LMO7: variants seen among roughly 807,000 people sequenced by gnomAD.
LMO7 encodes the protein LIM domain 7.
In LMO7, 120 loss-of-function variants were observed where a neutral mutation model predicts 206.5. The ratio of observed to expected loss-of-function variants is 0.58; its 90% CI spans 0.50 to 0.68. The LOEUF is 0.68. Ranked by LOEUF, LMO7 falls within the 30% of genes least tolerant of loss-of-function variation. LMO7 has a pLI of 0.00. For synonymous variants in LMO7, 706 were observed against 681.5 expected (o/e 1.04, Z -0.56); for missense variants, 1,959 against 1,957.9 (o/e 1.00, Z -0.01).
chr13:75,680,101 A>G (rs1198303002), intron 1 of LMO7, among the ~76,000 whole-genome samples: 2 of 152,040 alleles, frequency 1.3e-5, no homozygotes, highest in African/African-American at 2.4e-5. Flanking sequence ...CCCTGTGTCC[A>G]TGTGTTCTCA....
At chr13:75,781,289 C>T (rs1326727912) in intron 4 of LMO7, among the ~76,000 whole-genome samples, 65 of 95,038 alleles carry the variant, frequency 6.8e-4, no homozygotes, top group African/African-American at 2.6e-3. Flanking sequence ...CCCCCCACCC[C>T]ACAACAGTCC....
chr13:75,734,471 A>T (rs2045598973), intron 3 of LMO7, among the ~76,000 whole-genome samples: 1 of 152,220 alleles, frequency 6.6e-6, no homozygotes, highest in African/African-American at 2.4e-5. Flanking sequence ...TGCTGTTTAT[A>T]GTGCATTCAG....
rs752648828 is a variant in LMO7 at position 75,853,121 on chromosome 13, C to T, written c.4394C>T (p.Pro1465Leu). 6.2e-6 allele frequency: 10 copies of T among 1,611,542 alleles called. No homozygotes were observed. Among genetic ancestry groups the T allele is most frequent in the African/African-American group, 2.7e-5 (2 of 74,802 alleles). The change falls in exon 28 of 31, where the codon CCC (proline) becomes CTC (leucine). Residue 1465 changes from proline (P) to leucine (L), a missense_variant. By Grantham distance (98) the Pro-to-Leu change is moderately conservative. Coordinates refer to ENST00000377534, the MANE Select transcript of LMO7 (RefSeq NM_001306080.2). Reference sequence around the variant, plus strand: ...GAATCTTTAGATAACCTGGACTCCCCCCGATCCAATTCTTGGAGACAGCCT... The same window carrying T: ...GAATCTTTAGATAACCTGGACTCCCTCCGATCCAATTCTTGGAGACAGCCT... ...RGESLDNLDSPRSNSWRQPPW... is the reference protein window; with the variant it reads ...RGESLDNLDSLRSNSWRQPPW...
chr13:75,795,308 AG>A, intron 4 of LMO7, 92 bp from the exon 5 acceptor site: 1 of 811,952 alleles, frequency 1.2e-6, no homozygotes, highest in South Asian at 1.6e-5. Flanking sequence ...TAATATTCAT[AG>A]AATTTTAGAA....
Position 75,840,399 on chromosome 13 carries a change from TC to T in LMO7, c.3488del (p.Pro1163GlnfsTer42). 1 of 1,614,076 alleles carries T rather than the reference TC, an allele frequency of 6.2e-7. No individual in the cohort carries two copies. Among genetic ancestry groups the T allele is most frequent in the Non-Finnish European group, 8.5e-7 (1 of 1,179,990 alleles). On this transcript the variant is annotated frameshift_variant, in exon 22 of 31. Transcript: ENST00000377534. LOFTEE classifies it high-confidence loss of function. Reference protein sequence around the residue: ...SDSVVPDLPVPTISAPSRWVW... With the variant: ...SDSVVPDLPVXTISAPSRWVW... The stretch of plus-strand genomic sequence containing the variant: ...CTCTGATAACTGGTTAGCTTCCAGT[TC>T]CAACCATCAGTGCCCCGAGTCGCTG...
chr13:75,821,539 C>T lies in LMO7; in HGVS notation c.2570C>T (p.Thr857Ile), dbSNP rs765249040. 6 of 1,614,024 alleles carry T rather than the reference C, an allele frequency of 3.7e-6. No individual in the cohort carries two copies. Among genetic ancestry groups the T allele is most frequent in the Non-Finnish European group, 5.1e-6 (6 of 1,179,920 alleles). The change falls in exon 14 of 31, where the codon ACA becomes ATA. Residue 857 changes from threonine to isoleucine, a missense_variant. Coordinates refer to ENST00000377534, the MANE Select transcript of LMO7 (RefSeq NM_001306080.2). Reference protein sequence around the residue: ...SYRKTDTVRLTSVVTPRPFGS... With the variant: ...SYRKTDTVRLISVVTPRPFGS... ...CGGAAAACTGATACAGTCAGGTTAA[C>T]ATCTGTGGTCACACCAAGACCCTTT... is the stretch of plus-strand genomic sequence containing the variant.
At chr13:75,650,374 C>T (rs1170692519) in intron 1 of LMO7, among the ~76,000 whole-genome samples, 1 of 152,004 alleles carries the variant, frequency 6.6e-6, no homozygotes, top group Non-Finnish European at 1.5e-5. Context: ...AAGATCTGCC[C>T]GCCTCAGCCT....
At chr13:75,840,530 G>C in intron 22 of LMO7, 35 bp downstream of exon 22, 1 of 1,605,508 alleles carries the variant, frequency 6.2e-7, no homozygotes, top group Non-Finnish European at 8.5e-7. Context: ...TAGAAACTAG[G>C]TTGGATTTCA....
intron 1 of LMO7, among the ~76,000 whole-genome samples, chr13:75,645,794 T>G (rs2036956306): frequency 6.6e-6 from 1 of 152,232 alleles, no homozygotes; most frequent in African/African-American, 2.4e-5. Flanking sequence ...ACTTGGTGTT[T>G]CTAATTTTTC....
exon 1 of LMO7, chr13:75,620,671 G>C (rs1373094666): frequency 2.0e-5 from 3 of 152,164 alleles, no homozygotes; most frequent in African/African-American, 7.2e-5. Context: ...TCTTGGGCAG[G>C]AGAAATACAC....
intron 2 of LMO7, among the ~76,000 whole-genome samples, chr13:75,624,815 A>G (rs1284535506): frequency 6.6e-6 from 1 of 152,204 alleles, no homozygotes; most frequent in African/African-American, 2.4e-5. Context: ...TCCTCCCATG[A>G]CACATGGGAA....
In LMO7 at chr13:75,625,232, C is replaced by A. The variant is rs114386337; in HGVS notation, c.225+1912C>A. On this transcript the variant is annotated intron_variant, in intron 2 of 29. Coordinates refer to the LMO7 transcript ENST00000341547. ...TCTAGCAAAGAATTTCTCTTTTCCACAGTAAATAGCCTTTTATATTTATGC... is the reference window on the plus strand; with the variant it reads ...TCTAGCAAAGAATTTCTCTTTTCCAAAGTAAATAGCCTTTTATATTTATGC... 3.5e-3 allele frequency among the ~76,000 whole-genome samples: 537 copies of A among 152,316 alleles called. 5 individuals carry two copies. Among genetic ancestry groups the A allele is most frequent in the African/African-American group, 0.012 (503 of 41,578 alleles).
chr13:75,682,013 G>A lies in LMO7; in HGVS notation c.70-31169G>A, dbSNP rs116530678. ...TGAGTAAATACTGAAGAGTGGGATTGATGGGGCATATGGAAAGTATATGCT... is the reference window on the plus strand; with the variant it reads ...TGAGTAAATACTGAAGAGTGGGATTAATGGGGCATATGGAAAGTATATGCT... On this transcript the variant is annotated intron_variant, in intron 1 of 30. Transcript: ENST00000377534. Among the ~76,000 whole-genome samples, 844 of 152,040 alleles carry A rather than the reference G, an allele frequency of 5.6e-3. 7 individuals are homozygous for A. The highest frequency in any genetic ancestry group is 0.018 in the African/African-American group (758 of 41,484).
At position 75,636,651 on chromosome 13, in the gene LMO7, C is replaced by T. The variant is rs1176329042; in HGVS notation, c.-7C>T. On this transcript the variant is annotated 5_prime_UTR_variant, in exon 1 of 31. Coordinates refer to ENST00000377534, the MANE Select transcript of LMO7 (RefSeq NM_001306080.2). ...CCGAGTCTCTCTCTCCCTCCCTTGT[C>T]CTAGCCATGGAAGGGCTGGAGGAGG... 3 of 1,597,168 alleles carry T rather than the reference C, an allele frequency of 1.9e-6. No homozygotes were observed. Among genetic ancestry groups the T allele is most frequent in the Non-Finnish European group, 2.6e-6 (3 of 1,172,668 alleles).
intron 2 of LMO7, among the ~76,000 whole-genome samples, chr13:75,630,091 T>C (rs1327724193): frequency 6.6e-6 from 1 of 152,226 alleles, no homozygotes; most frequent in Non-Finnish European, 1.5e-5. Context: ...ATACTTTAAA[T>C]CATCTTTAGA....
chr13:75,795,617 G>A (rs1241468447), intron 5 of LMO7, among the ~76,000 whole-genome samples, 186 bp downstream of exon 5: 3 of 152,196 alleles, frequency 2.0e-5, no homozygotes, highest in Non-Finnish European at 4.4e-5. Context: ...AGGCTGTTCA[G>A]CTCCCACTTA....
intron 4 of LMO7, among the ~76,000 whole-genome samples, chr13:75,782,450 A>G (rs2051656902): frequency 6.6e-6 from 1 of 152,252 alleles, no homozygotes; most frequent in African/African-American, 2.4e-5. Context: ...AAATGTGAAT[A>G]ACACTGAATA....
At chr13:75,700,577 T>C (rs1296170595) in intron 1 of LMO7, among the ~76,000 whole-genome samples, 1 of 152,256 alleles carries the variant, frequency 6.6e-6, no homozygotes, top group Non-Finnish European at 1.5e-5. Context: ...AAGGGAGTAC[T>C]TGATAGCTTC....
intron 2 of LMO7, among the ~76,000 whole-genome samples, chr13:75,630,892 G>A (rs557376434): frequency 6.6e-6 from 1 of 152,258 alleles, no homozygotes; most frequent in East Asian, 1.9e-4. Context: ...CTGACCTCAG[G>A]TGATCCACCT....
Sources: gnomAD v4.1 joint callset for allele counts (sites outside exome capture counted in the v4.1 genomes callset) on GRCh38, gnomAD v4.1.1 for gene constraint, MANE v1.5 for transcripts, NCBI Gene and HGNC (gene_info 2026-07-23, HGNC 2026-07-21) for gene names.